Variants in PALLD observed in about 807,000 individuals in gnomAD.
PALLD encodes palladin.
Under a neutral mutation model 123.5 loss-of-function variants are expected in PALLD, and 61 were observed. The observed-to-expected ratio is 0.49, with a 90% CI of 0.40 to 0.61. The LOEUF (loss-of-function observed/expected upper bound fraction) is 0.61. Among genes scored for constraint, PALLD ranks in the 20% least tolerant of loss-of-function variants. The probability of loss-of-function intolerance (pLI) is 0.00; values close to 1 mark genes in which losing one functional copy is unlikely to be tolerated. For synonymous variants in PALLD, 465 were observed against 496.4 expected (o/e 0.94, Z 0.84); for missense variants, 1,273 against 1,377.0 (o/e 0.92, Z 1.20).
intron 10 of PALLD, among the ~76,000 whole-genome samples, chr4:168,758,637 C>A (rs1291147773): frequency 6.6e-6 from 1 of 152,042 alleles, no homozygotes; most frequent in Non-Finnish European, 1.5e-5. Flanking sequence ...TTAAACCCAG[C>A]TTTTTTGAGG....
chr4:168,543,198 C>T (rs1449117372), intron 2 of PALLD, among the ~76,000 whole-genome samples: 1 of 152,074 alleles, frequency 6.6e-6, no homozygotes, highest in Non-Finnish European at 1.5e-5. Context: ...TTGTCTGACC[C>T]TCATCTTCTT....
chr4:168,925,533 T>A, intron 21 of PALLD: 2 of 491,030 alleles, frequency 4.1e-6, no homozygotes, highest in Non-Finnish European at 7.4e-6. Flanking sequence ...CGTACTTTTG[T>A]GGCTTAGTGC....
At chr4:168,572,897 A>G (rs1360020851) in intron 2 of PALLD, among the ~76,000 whole-genome samples, 1 of 149,856 alleles carries the variant, frequency 6.7e-6, no homozygotes, top group Admixed American at 6.6e-5. Context: ...TCAGCCTGCC[A>G]ACAACCCACC....
intron 2 of PALLD, among the ~76,000 whole-genome samples, chr4:168,615,375 T>C (rs567141617): frequency 2.0e-5 from 3 of 152,276 alleles, no homozygotes; most frequent in Non-Finnish European, 2.9e-5. Context: ...TTACCATCTA[T>C]CCACACATAC....
chr4:168,653,618 C>G (rs191635959), intron 2 of PALLD, among the ~76,000 whole-genome samples: 4 of 152,320 alleles, frequency 2.6e-5, no homozygotes, highest in Admixed American at 2.6e-4. Flanking sequence ...ATAATTAGAA[C>G]ATTGATCCAC....
intron 2 of PALLD, among the ~76,000 whole-genome samples, chr4:168,620,140 GTTTGC>G (rs1003214408): frequency 6.6e-6 from 1 of 152,196 alleles, no homozygotes; most frequent in Non-Finnish European, 1.5e-5. Context: ...TTAATTTTGT[GTTTGC>G]TTTAATGGTA....
chr4:168,837,133 G>C (rs540349284), intron 10 of PALLD, among the ~76,000 whole-genome samples: 6 of 152,186 alleles, frequency 3.9e-5, no homozygotes, highest in African/African-American at 1.4e-4. Flanking sequence ...CGATGGGGAG[G>C]GGGGATCCTG....
intron 10 of PALLD, among the ~76,000 whole-genome samples, chr4:168,880,829 G>C (rs1412549208): frequency 6.6e-6 from 1 of 152,180 alleles, no homozygotes; most frequent in East Asian, 1.9e-4. Context: ...CAATGAAGTA[G>C]AAATTCATTA....
chr4:168,531,186 AT>A (rs1196414306), intron 2 of PALLD, among the ~76,000 whole-genome samples: 1 of 152,118 alleles, frequency 6.6e-6, no homozygotes, highest in Non-Finnish European at 1.5e-5. Flanking sequence ...CCATGTGGTG[AT>A]TTTTTCCCCT....
chr4:168,850,158 A>C (rs1365996610), intron 10 of PALLD, among the ~76,000 whole-genome samples: 1 of 152,126 alleles, frequency 6.6e-6, no homozygotes, highest in Non-Finnish European at 1.5e-5. Flanking sequence ...CTAGGTCCTG[A>C]AATGTAAGTG....
intron 3 of PALLD, among the ~76,000 whole-genome samples, chr4:168,675,910 G>A (rs1445635997): frequency 6.6e-6 from 1 of 152,028 alleles, no homozygotes; most frequent in Non-Finnish European, 1.5e-5. Flanking sequence ...AAAAAAAATA[G>A]CCAGGCATGG....
At chr4:168,547,326 T>C (rs575692604) in intron 2 of PALLD, among the ~76,000 whole-genome samples, 3 of 151,690 alleles carry the variant, frequency 2.0e-5, no homozygotes, top group South Asian at 2.1e-4. Context: ...GAAAACCAAG[T>C]GGGGAGTGTG....
chr4:168,590,870 T>TG, intron 2 of PALLD, among the ~76,000 whole-genome samples: 1 of 103,138 alleles, frequency 9.7e-6, no homozygotes, highest in Non-Finnish European at 2.0e-5. Context: ...GAAAGTTTTT[T>TG]TTTTTTTTTT....
At chr4:168,817,278 G>A (rs1477958009) in intron 10 of PALLD, among the ~76,000 whole-genome samples, 2 of 152,256 alleles carry the variant, frequency 1.3e-5, no homozygotes, top group East Asian at 1.9e-4. Flanking sequence ...TGCATTAGAC[G>A]CACCATCACA....
chr4:168,858,660 C>T (rs1425291647), intron 10 of PALLD, among the ~76,000 whole-genome samples: 1 of 151,924 alleles, frequency 6.6e-6, no homozygotes, highest in East Asian at 1.9e-4. Flanking sequence ...CACATACCTG[C>T]GGTTCCAGCT....
intron 2 of PALLD, among the ~76,000 whole-genome samples, chr4:168,524,258 T>C (rs1763839847): frequency 6.6e-6 from 1 of 152,220 alleles, no homozygotes; most frequent in African/African-American, 2.4e-5. Flanking sequence ...CTATATGCTG[T>C]TTCTTTATTA....
intron 2 of PALLD, among the ~76,000 whole-genome samples, chr4:168,546,938 C>T (rs1766194761): frequency 6.6e-6 from 1 of 152,150 alleles, no homozygotes; most frequent in Non-Finnish European, 1.5e-5. Context: ...GTCTTCTCTC[C>T]CTGTTCCCCA....
chr4:168,912,017 G>A (rs1759069456), intron 15 of PALLD, among the ~76,000 whole-genome samples: 2 of 152,036 alleles, frequency 1.3e-5, no homozygotes, highest in Admixed American at 1.3e-4. Context: ...TAGCCCTAAA[G>A]AAGTCCAGGT....
intron 10 of PALLD, among the ~76,000 whole-genome samples, chr4:168,822,540 C>T (rs1742876388): frequency 6.6e-6 from 1 of 152,200 alleles, no homozygotes; most frequent in Non-Finnish European, 1.5e-5. Context: ...CTGATACTAA[C>T]TCATTCTTCA....
Sources: gnomAD v4.1 joint callset for allele counts (sites outside exome capture counted in the v4.1 genomes callset) on GRCh38, gnomAD v4.1.1 for gene constraint, MANE v1.5 for transcripts, NCBI Gene and HGNC (gene_info 2026-07-23, HGNC 2026-07-21) for gene names.